The following OR11A1 variants were observed in gnomAD, a reference collection of about 807,000 sequenced individuals.
OR11A1 encodes the protein olfactory receptor family 11 subfamily A member 1, also known as olfactory receptor 11A1.
For synonymous variants in OR11A1, 158 were observed against 152.2 expected (o/e 1.04, Z -0.28); for missense variants, 380 against 378.2 (o/e 1.00, Z -0.04).
chr6:29,426,946 C>T lies in OR11A1; in HGVS notation c.696G>A (p.Gly232=), dbSNP rs1440636821. 1 of 1,612,846 alleles carries T rather than the reference C, an allele frequency of 6.2e-7. No homozygotes were observed. Among genetic ancestry groups the T allele is most frequent in the African/African-American group, 1.3e-5 (1 of 74,892 alleles). Residue 232 remains glycine, a synonymous_variant, in exon 5 of 5, where the codon GGG becomes GGA. Coordinates refer to ENST00000377149, the MANE Select transcript of OR11A1 (RefSeq NM_001394828.1). ...TGGAGAAAGCCCTTCTCCTGCTTGC[C>T]CCAGCAGGAACTCTCAGCACTGCCA... is the stretch of plus-strand genomic sequence containing the variant. The part of the protein sequence containing the change: ...IVVAVLRVPA[G]ASRRRAFSTC...
At chr6:29,440,958 G>A in intron 1 of OR11A1, 2 of 1,584,988 alleles carry the variant, frequency 1.3e-6, no homozygotes, top group South Asian at 1.1e-5. Flanking sequence ...GATTTGAAAA[G>A]GGGGCGATAG....
At chr6:29,449,977 A>C (rs1353157589) in intron 1 of OR11A1, among the ~76,000 whole-genome samples, 1 of 152,208 alleles carries the variant, frequency 6.6e-6, no homozygotes, top group Non-Finnish European at 1.5e-5. Flanking sequence ...CAAAGCTCAC[A>C]AAACGAGAAG....
At chr6:29,432,279 T>C (rs930951018) in intron 1 of OR11A1, among the ~76,000 whole-genome samples, 2 of 152,164 alleles carry the variant, frequency 1.3e-5, no homozygotes, top group African/African-American at 4.8e-5. Flanking sequence ...GGCTTGACCA[T>C]AAACGGAGCA....
chr6:29,435,401 T>C (rs188305987), intron 1 of OR11A1, among the ~76,000 whole-genome samples: 21 of 152,308 alleles, frequency 1.4e-4, no homozygotes, highest in Middle Eastern at 6.8e-3. Flanking sequence ...TTGGCTTTGG[T>C]CACATATATA....
intron 1 of OR11A1, among the ~76,000 whole-genome samples, chr6:29,441,994 G>A (rs1041166685): frequency 6.6e-5 from 10 of 152,264 alleles, no homozygotes; most frequent in Non-Finnish European, 8.8e-5. Flanking sequence ...TAACAACAGA[G>A]TCTAATTCAT....
Position 29,427,347 on chromosome 6 carries a change from A to G in OR11A1, c.295T>C (p.Leu99=). The G allele has an allele frequency of 1.2e-6, 2 of 1,613,126 alleles. No individual in the cohort carries two copies. The highest frequency in any genetic ancestry group is 1.7e-6 in the Non-Finnish European group (2 of 1,180,032). ...QEATISVAGC[L]LQFFIFGSLA... ...GAGCCGAAGATAAAGAACTGGAGCA[A>G]GCAACCAGCCACAGAGATAGTTGCT... is the stretch of plus-strand genomic sequence containing the variant. The change falls in exon 5 of 5, where the codon TTG becomes CTG. Residue 99 remains leucine (L), a synonymous_variant. Transcript: ENST00000377149.
chr6:29,428,630 G>A (rs1235134891), intron 4 of OR11A1, among the ~76,000 whole-genome samples: 1 of 151,754 alleles, frequency 6.6e-6, no homozygotes, highest in African/African-American at 2.4e-5. Flanking sequence ...GGTGGCGGGC[G>A]CCTGTAGTCC....
chr6:29,452,150 G>A (rs1785476202), intron 1 of OR11A1, among the ~76,000 whole-genome samples: 1 of 152,116 alleles, frequency 6.6e-6, no homozygotes, highest in Non-Finnish European at 1.5e-5. Flanking sequence ...CACAAAGAAA[G>A]TAACAATAGA....
intron 1 of OR11A1, among the ~76,000 whole-genome samples, chr6:29,436,837 G>C (rs1383902707): frequency 3.9e-5 from 6 of 152,244 alleles, no homozygotes; most frequent in African/African-American, 1.4e-4. Flanking sequence ...AATGCAATAA[G>C]AAAAGATAAA....
intron 1 of OR11A1, among the ~76,000 whole-genome samples, chr6:29,447,687 C>G (rs2523443): frequency 1.3e-5 from 2 of 152,150 alleles, no homozygotes. Flanking sequence ...ATAAATGAGG[C>G]CATTGTAGAG....
Position 29,427,148 on chromosome 6 carries a change from G to C in OR11A1, c.494C>G (p.Ala165Gly). 6.2e-7 allele frequency: 1 copy of C among 1,613,054 alleles called. No individual in the cohort carries two copies. Among genetic ancestry groups the C allele is most frequent in the Non-Finnish European group, 8.5e-7 (1 of 1,180,008 alleles). ...GTTGGGGCCACAGAACCTCAGCTGG[G>C]CCACCAGGGCCACAACCAGTCCATC... ...VVDGLVVALVAQLRFCGPNHI... is the reference protein window; with the variant it reads ...VVDGLVVALVGQLRFCGPNHI... Residue 165 changes from alanine to glycine, a missense_variant, in exon 5 of 5, where the codon GCC (alanine) becomes GGC (glycine). Physicochemically the swap from Ala to Gly is moderately conservative, Grantham distance 60. Transcript: ENST00000377149.
chr6:29,427,000 C>T lies in OR11A1; in HGVS notation c.642G>A (p.Leu214=). Residue 214 remains leucine, a synonymous_variant, in exon 5 of 5, where the codon CTG becomes CTA. Coordinates refer to ENST00000377149, the MANE Select transcript of OR11A1 (RefSeq NM_001394828.1). ...CAATTCTGGCATAAGATGTCAGAAT[C>T]AGTCCAAAAGGAATAGTGAGGCAGA... ...SVFCLTIPFG[L]ILTSYARIVV... is the part of the protein sequence containing the mutation. The T allele has an allele frequency of 6.2e-7, 1 of 1,612,826 alleles. No individual in the cohort carries two copies. Among genetic ancestry groups the T allele is most frequent in the Non-Finnish European group, 8.5e-7 (1 of 1,180,022 alleles).
At position 29,427,014 on chromosome 6, in the gene OR11A1, T is replaced by C; in HGVS notation, c.628A>G (p.Ile210Val). 1 of 1,612,508 alleles carries C rather than the reference T, an allele frequency of 6.2e-7. No individual in the cohort carries two copies. The highest frequency in any genetic ancestry group is 8.5e-7 in the Non-Finnish European group (1 of 1,179,990). ...GATGTCAGAATCAGTCCAAAAGGAA[T>C]AGTGAGGCAGAACACAGACAGAATG... ...TLILSVFCLT[I>V]PFGLILTSYA... The change falls in exon 5 of 5, where the codon ATT (isoleucine) becomes GTT (valine). Residue 210 changes from isoleucine (I) to valine (V), a missense_variant. Ile to Val is a conservative substitution (Grantham distance 29, BLOSUM62 3). Transcript: ENST00000377149.
At chr6:29,439,825 G>A (rs6933601) in intron 1 of OR11A1, 19,624 of 598,318 alleles carry the variant, frequency 0.033, 742 homozygotes, top group African/African-American at 0.12. Context: ...GATCCCAAGA[G>A]TGAGCAAGGG....
chr6:29,426,737 A>G lies in OR11A1; in HGVS notation c.905T>C (p.Leu302Pro), dbSNP rs1011368880. Residue 302 changes from leucine (L) to proline (P), a missense_variant, in exon 5 of 5, where the codon CTT becomes CCT. Transcript: ENST00000377149. ...TTGTTTGATACAGAGAATCTTCCGA[A>G]GTGCCTGATGCACCTCCTTGTTCCT... ...TMRNKEVHQA[L>P]RKILCIKQTE... The G allele has an allele frequency of 6.2e-7, 1 of 1,612,472 alleles. No homozygotes were observed. Among genetic ancestry groups the G allele is most frequent in the African/African-American group, 1.3e-5 (1 of 74,900 alleles).
At chr6:29,429,147 T>C (rs1195739345) in intron 3 of OR11A1, among the ~76,000 whole-genome samples, 187 bp from the exon 4 acceptor site, 1 of 152,194 alleles carries the variant, frequency 6.6e-6, no homozygotes, top group Non-Finnish European at 1.5e-5. Flanking sequence ...TTAATACAAA[T>C]AGTCTAGAAC....
In OR11A1 at chr6:29,427,461, T is replaced by C. The variant is rs1409243118; in HGVS notation, c.181A>G (p.Met61Val). ...GACAGATTCGCCAAGAAAATATACA[T>C]GGGTTTGTGGAGCCTCTGGGAGCTA... Reference protein sequence around the residue: ...VVSSQRLHKPMYIFLANLSFL... With the variant: ...VVSSQRLHKPVYIFLANLSFL... Residue 61 changes from methionine to valine, a missense_variant, in exon 5 of 5, where the codon ATG becomes GTG. By Grantham distance (21) the Met-to-Val change is conservative. Coordinates refer to ENST00000377149, the MANE Select transcript of OR11A1 (RefSeq NM_001394828.1). The C allele has an allele frequency of 1.9e-6, 3 of 1,612,916 alleles. No homozygotes were observed. Among genetic ancestry groups the C allele is most frequent in the African/African-American group, 1.3e-5 (1 of 74,888 alleles).
intron 1 of OR11A1, among the ~76,000 whole-genome samples, chr6:29,447,877 C>T (rs553211350): frequency 1.3e-5 from 2 of 152,258 alleles, no homozygotes; most frequent in East Asian, 3.9e-4. Flanking sequence ...GCATTCTTTG[C>T]ATTCCTTGGC....
Position 29,427,175 on chromosome 6 carries a change from A to G in OR11A1, c.467T>C (p.Val156Ala). The G allele has an allele frequency of 6.2e-7, 1 of 1,613,082 alleles. No homozygotes were observed. Residue 156 changes from valine to alanine, a missense_variant, in exon 5 of 5, where the codon GTA becomes GCA. Val to Ala is a moderately conservative substitution (Grantham distance 64, BLOSUM62 0). Coordinates refer to ENST00000377149, the MANE Select transcript of OR11A1 (RefSeq NM_001394828.1). ...CACCAGGGCCACAACCAGTCCATCTACCACAAATCCAGAGAGCCAGGTTGT... is the reference window on the plus strand; with the variant it reads ...CACCAGGGCCACAACCAGTCCATCTGCCACAAATCCAGAGAGCCAGGTTGT... ...VVTTWLSGFV[V>A]DGLVVALVAQ...
Sources: allele counts gnomAD v4.1 joint callset (sites outside exome capture counted in the v4.1 genomes callset), GRCh38; gene constraint gnomAD v4.1.1; transcripts MANE v1.5; gene names NCBI Gene and HGNC (gene_info 2026-07-23, HGNC 2026-07-21).